Variants in GEMIN5 observed in about 807,000 individuals in gnomAD.
GEMIN5 encodes the protein gem-associated protein 5.
In GEMIN5, 124 loss-of-function variants were observed where a neutral mutation model predicts 176.9. That is an observed-to-expected ratio of 0.70 (90% confidence interval 0.61 to 0.81). The LOEUF (loss-of-function observed/expected upper bound fraction) is 0.81, where lower values mean the gene tolerates loss of function less well. Ranked by LOEUF, GEMIN5 falls within the 40% of genes least tolerant of loss-of-function variation. The probability of loss-of-function intolerance (pLI) is 0.00; values close to 1 mark genes in which losing one functional copy is unlikely to be tolerated. For synonymous variants in GEMIN5, 673 were observed against 665.2 expected (o/e 1.01, Z -0.18); for missense variants, 1,843 against 1,814.6 (o/e 1.02, Z -0.28).
rs966859832 is a variant in GEMIN5 at position 154,925,917 on chromosome 5, T to C, written c.1238A>G (p.Lys413Arg). ...MIRVWNTLSI[K>R]NNYDVKNFWQ... ...AAAATTTTTCACATCATAGTTGTTC[T>C]TTATGGAGAGTGTATTCCATACACG... Residue 413 changes from lysine to arginine, a missense_variant, in exon 8 of 28, where the codon AAG (lysine) becomes AGG (arginine). By Grantham distance (26) the Lys-to-Arg change is conservative. Coordinates refer to ENST00000285873, the MANE Select transcript of GEMIN5 (RefSeq NM_015465.5). 3 of 1,613,970 alleles carry C rather than the reference T, an allele frequency of 1.9e-6. No homozygotes were observed. Among genetic ancestry groups the C allele is most frequent in the Non-Finnish European group, 2.5e-6 (3 of 1,179,838 alleles).
At chr5:154,905,971 G>A (rs902816189) in intron 16 of GEMIN5, among the ~76,000 whole-genome samples, 5 of 151,468 alleles carry the variant, frequency 3.3e-5, no homozygotes, top group Non-Finnish European at 7.4e-5. Context: ...GATTACAGGC[G>A]TGAGCCACCG....
chr5:154,891,528 T>G lies in GEMIN5; in HGVS notation c.3975A>C (p.Glu1325Asp). 1 of 1,614,184 alleles carries G rather than the reference T, an allele frequency of 6.2e-7. No individual in the cohort carries two copies. Among genetic ancestry groups the G allele is most frequent in the South Asian group, 1.1e-5 (1 of 91,082 alleles). Residue 1325 changes from glutamate (E) to aspartate (D), a missense_variant, in exon 26 of 28, where the codon GAA becomes GAC. Transcript: ENST00000285873. ...CTGGCTGAGAAGTTTCAGGGTCCGT[T>G]TCTTCAGTGCTGGCAGTGTCTAACT... The part of the protein sequence containing the change: ...SQQLDTASTE[E>D]TDPETSQPEP...
intron 8 of GEMIN5, 87 bp downstream of exon 8, chr5:154,925,775 A>G: frequency 1.4e-6 from 1 of 737,044 alleles, no homozygotes; most frequent in East Asian, 2.5e-5. Context: ...TTTGATTCTC[A>G]ACAGAGCGCA....
intron 16 of GEMIN5, among the ~76,000 whole-genome samples, chr5:154,905,722 G>A (rs1383600359): frequency 4.9e-5 from 7 of 143,302 alleles, no homozygotes; most frequent in African/African-American, 1.6e-4. Flanking sequence ...TTTTTGAGAC[G>A]AAGTCTCACT....
intron 21 of GEMIN5, 128 bp from the exon 22 acceptor site, chr5:154,899,438 C>T: frequency 1.4e-6 from 1 of 718,592 alleles, no homozygotes. Flanking sequence ...CCTTTAAAAA[C>T]TGCACTTGCA....
intron 7 of GEMIN5, 138 bp from the exon 8 acceptor site, chr5:154,926,212 CTGCT>C: frequency 3.4e-6 from 2 of 591,864 alleles, no homozygotes; most frequent in Non-Finnish European, 6.1e-6. Flanking sequence ...GAAGAAAGCA[CTGCT>C]AAGAAAAAAA....
chr5:154,920,851 GAAA>G (rs2113496071), intron 10 of GEMIN5, among the ~76,000 whole-genome samples: 1 of 152,260 alleles, frequency 6.6e-6, no homozygotes, highest in Non-Finnish European at 1.5e-5. Flanking sequence ...TTAGGAATAA[GAAA>G]AAGAAAGACA....
chr5:154,899,226 T>C lies in GEMIN5; in HGVS notation c.3099A>G (p.Leu1033=), dbSNP rs1219108640. Reference sequence around the variant, plus strand: ...CTACAGCATAGTGGCCATCTCTTTCTAGGACGGTTCCCCAGCTGAGGTACA... The same window carrying C: ...CTACAGCATAGTGGCCATCTCTTTCCAGGACGGTTCCCCAGCTGAGGTACA... ...KDLYLSWGTV[L]ERDGHYAVAA... The change falls in exon 22 of 28, where the codon CTA becomes CTG. Residue 1033 remains leucine (L), a synonymous_variant. Coordinates refer to ENST00000285873, the MANE Select transcript of GEMIN5 (RefSeq NM_015465.5). 2 of 1,613,504 alleles carry C rather than the reference T, an allele frequency of 1.2e-6. No individual in the cohort carries two copies. Among genetic ancestry groups the C allele is most frequent in the Non-Finnish European group, 1.7e-6 (2 of 1,179,672 alleles).
chr5:154,932,345 C>T (rs1764186648), intron 3 of GEMIN5, 95 bp from the exon 4 acceptor site: 1 of 853,872 alleles, frequency 1.2e-6, no homozygotes, highest in Non-Finnish European at 1.8e-6. Flanking sequence ...TGGCGCATTC[C>T]TTAAAGTTAG....
At chr5:154,923,441 T>C (rs1763967696) in intron 9 of GEMIN5, among the ~76,000 whole-genome samples, 2 of 152,196 alleles carry the variant, frequency 1.3e-5, no homozygotes, top group Non-Finnish European at 2.9e-5. Flanking sequence ...ATGAATGATC[T>C]AAGACAGAGG....
chr5:154,933,432 A>G (rs1021981927), intron 3 of GEMIN5, among the ~76,000 whole-genome samples: 1 of 152,218 alleles, frequency 6.6e-6, no homozygotes, highest in Non-Finnish European at 1.5e-5. Context: ...CACTGTGTGA[A>G]TATTTCAAAG....
intron 13 of GEMIN5, among the ~76,000 whole-genome samples, chr5:154,916,431 T>C (rs190525240): frequency 4.7e-4 from 72 of 152,292 alleles, no homozygotes; most frequent in African/African-American, 1.7e-3. Flanking sequence ...AGAGAAAATA[T>C]ATAGCAAGCC....
rs1048012294 is a variant in GEMIN5, at chr5:154,912,605, T to G, written c.1995+294A>C. Among the ~76,000 whole-genome samples the G allele has an allele frequency of 3.9e-5, 6 of 152,248 alleles. No homozygotes were observed. The East Asian group carries it at 1.2e-3, about 29-fold the overall frequency. ...TCTGAACAGAAGAGAGTACTTTGCATATCATATTAGTCCACCATACTGATA... is the reference window on the plus strand; with the variant it reads ...TCTGAACAGAAGAGAGTACTTTGCAGATCATATTAGTCCACCATACTGATA... On this transcript the variant is annotated intron_variant, in intron 14 of 27. Coordinates refer to ENST00000285873, the MANE Select transcript of GEMIN5 (RefSeq NM_015465.5).
rs750575135 is a variant in GEMIN5, at chr5:154,924,573, C to T, written c.1294-19G>A. 7 of 1,538,788 alleles carry T rather than the reference C, an allele frequency of 4.5e-6. No homozygotes were observed. The highest frequency in any genetic ancestry group is 6.3e-6 in the Non-Finnish European group (7 of 1,113,620). ...AGCACAGCTACAAAAAAAAGAGTTT[C>T]CAAGTGAGAATATAAGAAGTGGGGC... is the stretch of plus-strand genomic sequence containing the variant. On this transcript the variant is annotated intron_variant, in intron 8 of 27. Coordinates refer to ENST00000285873, the MANE Select transcript of GEMIN5 (RefSeq NM_015465.5).
At chr5:154,907,407 A>G (rs1001811840) in intron 16 of GEMIN5, among the ~76,000 whole-genome samples, 184 bp downstream of exon 16, 2 of 152,010 alleles carry the variant, frequency 1.3e-5, no homozygotes, top group African/African-American at 4.8e-5. Flanking sequence ...ATCCACTAGA[A>G]CCCCTTTAAA....
Position 154,891,391 on chromosome 5 carries a change from T to C in GEMIN5, c.4112A>G (p.Gln1371Arg). The C allele has an allele frequency of 1.2e-6, 2 of 1,614,182 alleles. No individual in the cohort carries two copies. The highest frequency in any genetic ancestry group is 1.7e-6 in the Non-Finnish European group (2 of 1,180,024). The change falls in exon 26 of 28, where the codon CAG becomes CGG. Residue 1371 changes from glutamine (Q) to arginine (R), a missense_variant. Gln to Arg is a conservative substitution (Grantham distance 43). Coordinates refer to ENST00000285873, the MANE Select transcript of GEMIN5 (RefSeq NM_015465.5). Reference protein sequence around the residue: ...SEKHASLQNSQRTVAEVQETL... With the variant: ...SEKHASLQNSRRTVAEVQETL... ...CTCTTGGACTTCAGCAACAGTTCTC[T>C]GTGAGTTTTGGAGACTGGCATGCTT...
At chr5:154,932,946 T>A (rs370253416) in intron 3 of GEMIN5, among the ~76,000 whole-genome samples, 1 of 152,252 alleles carries the variant, frequency 6.6e-6, no homozygotes. Flanking sequence ...CTTTTTAAAC[T>A]GTGAACTTAA....
At chr5:154,893,870 A>T (rs1302256727) in intron 24 of GEMIN5, among the ~76,000 whole-genome samples, 2 of 152,162 alleles carry the variant, frequency 1.3e-5, no homozygotes, top group African/African-American at 2.4e-5. Flanking sequence ...CAGCCTCCAG[A>T]GTGGCTGGGA....
intron 23 of GEMIN5, among the ~76,000 whole-genome samples, chr5:154,896,666 G>C (rs1397137652): frequency 6.6e-6 from 1 of 152,184 alleles, no homozygotes; most frequent in East Asian, 1.9e-4. Context: ...AGCCTAGTTT[G>C]AGGAAAAGAA....
Sources: gnomAD v4.1 joint callset for allele counts (sites outside exome capture counted in the v4.1 genomes callset) on GRCh38, gnomAD v4.1.1 for gene constraint, MANE v1.5 for transcripts, NCBI Gene and HGNC (gene_info 2026-07-23, HGNC 2026-07-21) for gene names.